Variants in NTRK3 observed in about 807,000 individuals in gnomAD.
NTRK3 encodes the protein neurotrophic receptor tyrosine kinase 3.
In NTRK3, 24 loss-of-function variants were observed where a neutral mutation model predicts 91.7. That is an observed-to-expected ratio of 0.26 (90% CI 0.19 to 0.37). The LOEUF (loss-of-function observed/expected upper bound fraction) is 0.37. Among genes scored for constraint, NTRK3 ranks in the 10% least tolerant of loss-of-function variants. The pLI is 1.00. For synonymous variants in NTRK3, 483 were observed against 404.0 expected, an observed-to-expected ratio of 1.20 and a Z score of -2.34; for missense variants, 880 against 1,068.9, an observed-to-expected ratio of 0.82 and a Z score of 2.46.
intron 14 of NTRK3, among the ~76,000 whole-genome samples, chr15:87,950,987 T>C (rs886407043): frequency 6.6e-6 from 1 of 152,174 alleles, no homozygotes; most frequent in Non-Finnish European, 1.5e-5. Flanking sequence ...GTCTGATATT[T>C]GAGAATTCTG....
At chr15:88,021,427 C>T (rs1596750059) in intron 14 of NTRK3, among the ~76,000 whole-genome samples, 1 of 152,186 alleles carries the variant, frequency 6.6e-6, no homozygotes, top group South Asian at 2.1e-4. Context: ...AACAGGTATA[C>T]CTCAAAATCA....
chr15:88,148,799 C>T (rs1317764203), intron 5 of NTRK3, among the ~76,000 whole-genome samples: 1 of 152,118 alleles, frequency 6.6e-6, no homozygotes, highest in Non-Finnish European at 1.5e-5. Flanking sequence ...GAAGCTGCTA[C>T]AGTCTTCCAA....
Position 88,255,822 on chromosome 15 carries a change from G to C in NTRK3, c.248+84C>G. On this transcript the variant is annotated intron_variant, in intron 3 of 18. Coordinates refer to ENST00000394480, the Ensembl canonical transcript of NTRK3. This position sits in a 1 kb window ranked among gnomAD's most constrained non-coding sequence, Gnocchi z 4.3. ...GGGCAGCGGCGAGCTGGGGCGGGCGGAGGGCCGGCTCCCGGCCGCGGGTGG... is the reference window on the plus strand; with the variant it reads ...GGGCAGCGGCGAGCTGGGGCGGGCGCAGGGCCGGCTCCCGGCCGCGGGTGG... 1.6e-6 allele frequency: 2 copies of C among 1,254,444 alleles called. No individual in the cohort carries two copies. Among genetic ancestry groups the C allele is most frequent in the Non-Finnish European group, 2.1e-6 (2 of 956,512 alleles). The allele number at this position is 1,254,444 out of a possible 1,614,324, so 77.7% of individuals were successfully genotyped here.
rs371661237 is a variant in NTRK3 at position 87,952,917 on chromosome 15, C to T, written c.1586-12164G>A. On this transcript the variant is annotated intron_variant, in intron 14 of 18. Coordinates refer to ENST00000394480, the Ensembl canonical transcript of NTRK3. ...CCCTGTATCTGATGGGGAACAAGGT[C>T]GGAGGCCAGGGCCTGCGAGTCCCAG... Among the ~76,000 whole-genome samples, 338 of 152,072 alleles carry T rather than the reference C, an allele frequency of 2.2e-3. 2 individuals are homozygous for T. The highest frequency in any genetic ancestry group is 7.9e-3 in the African/African-American group (327 of 41,492).
chr15:87,962,742 C>T (rs747434493), intron 14 of NTRK3, among the ~76,000 whole-genome samples: 7 of 152,168 alleles, frequency 4.6e-5, no homozygotes, highest in Non-Finnish European at 8.8e-5. Flanking sequence ...GTTCCAAGGA[C>T]GCCGCCTGCT....
Position 88,235,709 on chromosome 15 carries a change from G to T in NTRK3, c.248+20197C>A, listed in dbSNP as rs1043481515. Among the ~76,000 whole-genome samples the T allele has an allele frequency of 6.6e-6, 1 of 152,218 alleles. No homozygotes were observed. Among genetic ancestry groups the T allele is most frequent in the African/African-American group, 2.4e-5 (1 of 41,452 alleles). On this transcript the variant is annotated intron_variant, in intron 3 of 18. Coordinates refer to ENST00000394480, the Ensembl canonical transcript of NTRK3. This position sits in a 1 kb window ranked among gnomAD's most constrained non-coding sequence, Gnocchi z 5.2. Reference sequence around the variant, plus strand: ...GAGGACCCTAGGGGGATGTCCTTGGGCTGAGGACCCCAGAAGGTGCCCTTG... The same window carrying T: ...GAGGACCCTAGGGGGATGTCCTTGGTCTGAGGACCCCAGAAGGTGCCCTTG...
At chr15:88,176,442 C>G (rs1366530324) in intron 5 of NTRK3, among the ~76,000 whole-genome samples, 2 of 152,130 alleles carry the variant, frequency 1.3e-5, no homozygotes, top group Non-Finnish European at 2.9e-5. Context: ...GCCCATATGT[C>G]CCTTCTTTTA....
chr15:88,051,379 T>C (rs909875281), intron 13 of NTRK3, among the ~76,000 whole-genome samples: 2 of 152,216 alleles, frequency 1.3e-5, no homozygotes, highest in Non-Finnish European at 2.9e-5. Context: ...GGTTTGCCTA[T>C]TGCCTCTCTG....
intron 3 of NTRK3, among the ~76,000 whole-genome samples, chr15:88,227,573 G>C (rs2050783921): frequency 1.3e-5 from 2 of 152,172 alleles, no homozygotes; most frequent in Non-Finnish European, 2.9e-5. Flanking sequence ...AAGCCAAGGA[G>C]AGAGGCCCTA....
At chr15:87,907,959 G>A (rs1047965557) in intron 17 of NTRK3, among the ~76,000 whole-genome samples, 2 of 152,166 alleles carry the variant, frequency 1.3e-5, no homozygotes, top group African/African-American at 4.8e-5. Flanking sequence ...TGAGCATCAG[G>A]TCTGTTAGAC....
At chr15:88,090,410 G>T (rs2048910623) in intron 13 of NTRK3, among the ~76,000 whole-genome samples, 1 of 152,136 alleles carries the variant, frequency 6.6e-6, no homozygotes, top group African/African-American at 2.4e-5. Context: ...AATGAAGGAA[G>T]GGAGGAAGGG....
At chr15:88,253,887 C>T (rs1262410373) in intron 3 of NTRK3, among the ~76,000 whole-genome samples, 1 of 152,178 alleles carries the variant, frequency 6.6e-6, no homozygotes, top group East Asian at 1.9e-4. Context: ...TTCTGGCAGC[C>T]TAGAAAGGCT....
chr15:88,086,581 A>G (rs967214855), intron 13 of NTRK3, among the ~76,000 whole-genome samples: 1 of 152,162 alleles, frequency 6.6e-6, no homozygotes, highest in Admixed American at 6.5e-5. Context: ...CTGATTAGAC[A>G]GCACTGTGCC....
chr15:87,886,476 T>A (rs1188871097), intron 17 of NTRK3, among the ~76,000 whole-genome samples: 21 of 150,748 alleles, frequency 1.4e-4, no homozygotes. Context: ...CTAAGATATA[T>A]TAAGTGACAA....
intron 5 of NTRK3, among the ~76,000 whole-genome samples, chr15:88,183,008 T>G (rs2046625220): frequency 6.7e-6 from 1 of 148,524 alleles, no homozygotes; most frequent in Non-Finnish European, 1.5e-5. Context: ...TCTTTCTTCT[T>G]GCAACCCCCC....
At chr15:88,086,359 T>C (rs1266093349) in intron 13 of NTRK3, among the ~76,000 whole-genome samples, 1 of 152,182 alleles carries the variant, frequency 6.6e-6, no homozygotes, top group South Asian at 2.1e-4. Flanking sequence ...TGTGCTGTAA[T>C]TATAAAAACA....
intron 13 of NTRK3, among the ~76,000 whole-genome samples, chr15:88,096,682 G>A (rs966806006): frequency 6.6e-6 from 1 of 152,146 alleles, no homozygotes; most frequent in African/African-American, 2.4e-5. Context: ...TGGAGGACAG[G>A]AGTCACTAAA....
chr15:88,181,011 C>T (rs1319739404), intron 5 of NTRK3, among the ~76,000 whole-genome samples: 1 of 152,166 alleles, frequency 6.6e-6, no homozygotes, highest in African/African-American at 2.4e-5. Context: ...TCTGGGCATC[C>T]CACTGTGCCT....
intron 13 of NTRK3, among the ~76,000 whole-genome samples, chr15:88,036,964 A>G (rs886743895): frequency 5.3e-5 from 8 of 152,248 alleles, no homozygotes; most frequent in African/African-American, 1.9e-4. Context: ...GTCCATAGAT[A>G]GCAAGTAGTC....
Sources: gnomAD v4.1 joint callset for allele counts (sites outside exome capture counted in the v4.1 genomes callset) on GRCh38, gnomAD v4.1.1 for gene constraint, Gnocchi (gnomAD v3.1) non-coding constraint, MANE v1.5 for transcripts, NCBI Gene and HGNC (gene_info 2026-07-23, HGNC 2026-07-21) for gene names.